EML6: variants seen among roughly 807,000 people sequenced by gnomAD.
EML6 encodes echinoderm microtubule-associated protein-like 6.
In EML6, 154 loss-of-function variants were observed where a neutral mutation model predicts 240.1. That is an observed-to-expected ratio of 0.64 (90% CI 0.56 to 0.73). The LOEUF (loss-of-function observed/expected upper bound fraction) is 0.73. Among genes scored for constraint, EML6 ranks in the 30% least tolerant of loss-of-function variants. EML6 has a pLI of 0.00. For missense variants in EML6, 2,964 were observed against 2,474.6 expected (o/e 1.20, Z -4.20); for synonymous variants, 1,148 against 899.0 (o/e 1.28, Z -4.95).
chr2:54,893,873 T>C (rs968984007), intron 19 of EML6, among the ~76,000 whole-genome samples: 1 of 152,188 alleles, frequency 6.6e-6, no homozygotes, highest in South Asian at 2.1e-4. Flanking sequence ...TTGGTACATA[T>C]GTTTTTGGTT....
intron 8 of EML6, among the ~76,000 whole-genome samples, chr2:54,844,644 C>T (rs938037567): frequency 6.6e-6 from 1 of 152,160 alleles, no homozygotes; most frequent in African/African-American, 2.4e-5. Context: ...ATCATTAGAA[C>T]TTAAATTCTG....
chr2:54,808,999 C>G (rs1670646989), intron 2 of EML6, among the ~76,000 whole-genome samples: 1 of 152,216 alleles, frequency 6.6e-6, no homozygotes, highest in South Asian at 2.1e-4. Flanking sequence ...AAAACTTGAT[C>G]CTTTTTTTGT....
chr2:54,876,734 A>G (rs1360026861), intron 16 of EML6, among the ~76,000 whole-genome samples: 1 of 152,194 alleles, frequency 6.6e-6, no homozygotes, highest in Admixed American at 6.5e-5. Flanking sequence ...GCAAATGTTT[A>G]CAGGGTAGAA....
chr2:54,926,228 A>G (rs1674537894), intron 26 of EML6, among the ~76,000 whole-genome samples: 1 of 152,148 alleles, frequency 6.6e-6, no homozygotes, highest in Admixed American at 6.5e-5. Context: ...CAGCCTCCCA[A>G]GTAGCTTGGA....
At position 54,968,700 on chromosome 2, in the gene EML6, T is replaced by A. The variant is rs1676858318; in HGVS notation, c.5784T>A (p.Ala1928=). 6.4e-7 allele frequency: 1 copy of A among 1,551,314 alleles called. No individual in the cohort carries two copies. The highest frequency in any genetic ancestry group is 1.2e-5 in the South Asian group (1 of 84,056). The change falls in exon 41 of 42, where the codon GCT becomes GCA. Residue 1928 remains alanine, a synonymous_variant. Coordinates refer to ENST00000356458, the MANE Select transcript of EML6 (RefSeq NM_001039753.4). ...AKHKRYFGHS[A]HVTNIRFSYD... ...ATAAGCGATACTTCGGTCACTCGGCTCACGTGACGAACATCCGTTTCTCTT... is the reference window on the plus strand; with the variant it reads ...ATAAGCGATACTTCGGTCACTCGGCACACGTGACGAACATCCGTTTCTCTT...
rs1250478339 is a variant in EML6, at chr2:54,928,345, G to A, written c.3708G>A (p.Gly1236=). 1 of 1,552,118 alleles carries A rather than the reference G, an allele frequency of 6.4e-7. No homozygotes were observed. The highest frequency in any genetic ancestry group is 8.7e-7 in the Non-Finnish European group (1 of 1,147,104). Reference sequence around the variant, plus strand: ...ACGCAAGATTCAAGAAGTATGTGGGGCACAGTGCACATGTCACTAACGTGA... The same window carrying A: ...ACGCAAGATTCAAGAAGTATGTGGGACACAGTGCACATGTCACTAACGTGA... ...GQHARFKKYV[G]HSAHVTNVRW... Residue 1236 remains glycine, a synonymous_variant, in exon 27 of 42, where the codon GGG becomes GGA. Coordinates refer to ENST00000356458, the MANE Select transcript of EML6 (RefSeq NM_001039753.4).
intron 2 of EML6, among the ~76,000 whole-genome samples, chr2:54,761,563 ATCACATTGCAATTTGG>A (rs1355153092): frequency 1.3e-5 from 2 of 152,210 alleles, no homozygotes; most frequent in African/African-American, 4.8e-5. Flanking sequence ...ACATTTATGA[ATCACATTGCAATTTGG>A]TCAAAAGTGA....
At chr2:54,833,624 A>G (rs1668986407) in intron 7 of EML6, among the ~76,000 whole-genome samples, 4 of 152,170 alleles carry the variant, frequency 2.6e-5, no homozygotes, top group Admixed American at 2.6e-4. Context: ...CCTTCTCCCC[A>G]AGGGTTAGTC....
At chr2:54,735,968 C>T (rs948377723) in intron 2 of EML6, among the ~76,000 whole-genome samples, 4 of 152,100 alleles carry the variant, frequency 2.6e-5, no homozygotes, top group African/African-American at 9.7e-5. Flanking sequence ...AGCGGTTTGG[C>T]AGGGAGGTGG....
chr2:54,878,044 G>C (rs539109559), intron 16 of EML6, among the ~76,000 whole-genome samples: 1 of 152,284 alleles, frequency 6.6e-6, no homozygotes, highest in Non-Finnish European at 1.5e-5. Flanking sequence ...AATTAAATTT[G>C]AGTTTCAGGT....
intron 26 of EML6, among the ~76,000 whole-genome samples, chr2:54,922,556 A>G (rs1413554453): frequency 2.0e-5 from 3 of 150,290 alleles, no homozygotes; most frequent in Non-Finnish European, 3.0e-5. Context: ...ATCCAAAGGA[A>G]GTGAAATCAG....
intron 26 of EML6, among the ~76,000 whole-genome samples, chr2:54,917,422 T>A (rs1437985832): frequency 6.8e-6 from 1 of 147,806 alleles, no homozygotes; most frequent in Non-Finnish European, 1.5e-5. Flanking sequence ...TGGAGTGCAG[T>A]GGCGCCATCT....
chr2:54,858,011 A>G (rs1181411044), intron 11 of EML6, among the ~76,000 whole-genome samples: 1 of 152,248 alleles, frequency 6.6e-6, no homozygotes, highest in Non-Finnish European at 1.5e-5. Flanking sequence ...AAATGCACAA[A>G]CATTTATTAT....
chr2:54,880,122 G>C (rs753747861), intron 17 of EML6: 1 of 153,698 alleles, frequency 6.5e-6, no homozygotes, highest in Non-Finnish European at 1.4e-5. Flanking sequence ...CTAATCTTCC[G>C]TCTTATAAAT....
chr2:54,850,532 G>T (rs1186193633), intron 10 of EML6, among the ~76,000 whole-genome samples: 1 of 151,396 alleles, frequency 6.6e-6, no homozygotes, highest in South Asian at 2.1e-4. Flanking sequence ...ATGGACAAAA[G>T]ATATATATCT....
At chr2:54,887,796 A>G (rs1306003810) in intron 17 of EML6, among the ~76,000 whole-genome samples, 1 of 152,134 alleles carries the variant, frequency 6.6e-6, no homozygotes, top group Non-Finnish European at 1.5e-5. Flanking sequence ...AGCAAAATTG[A>G]GCAGAAAGTA....
At chr2:54,797,995 A>T (rs1052176455) in intron 2 of EML6, among the ~76,000 whole-genome samples, 2 of 152,130 alleles carry the variant, frequency 1.3e-5, no homozygotes, top group African/African-American at 4.8e-5. Context: ...TTGTACTTCA[A>T]TATAAGTGTC....
chr2:54,890,599 C>T (rs1672413388), intron 17 of EML6, among the ~76,000 whole-genome samples: 1 of 152,094 alleles, frequency 6.6e-6, no homozygotes, highest in Admixed American at 6.6e-5. Context: ...AGCTGAAAAC[C>T]CATTTAACCC....
chr2:54,793,476 T>C (rs2103920693), intron 2 of EML6, among the ~76,000 whole-genome samples: 1 of 151,426 alleles, frequency 6.6e-6, no homozygotes, highest in South Asian at 2.1e-4. Context: ...TATCTTTGTA[T>C]ATTTAATTTT....
Sources: allele counts gnomAD v4.1 joint callset (sites outside exome capture counted in the v4.1 genomes callset), GRCh38; gene constraint gnomAD v4.1.1; transcripts MANE v1.5; gene names NCBI Gene and HGNC (gene_info 2026-07-23, HGNC 2026-07-21).